The following ROBO2 variants were observed in gnomAD, a reference collection of about 807,000 sequenced individuals.
ROBO2 encodes the protein roundabout homolog 2.
Under a neutral mutation model 160.8 loss-of-function variants are expected in ROBO2, and 53 were observed. The observed-to-expected ratio is 0.33, with a 90% CI of 0.26 to 0.41. The LOEUF (loss-of-function observed/expected upper bound fraction) is 0.41, where lower values mean the gene tolerates loss of function less well. Among genes scored for constraint, ROBO2 ranks in the 10% least tolerant of loss-of-function variants. ROBO2 has a pLI of 1.00. For synonymous variants in ROBO2, 664 were observed against 611.7 expected, an observed-to-expected ratio of 1.09 and a Z score of -1.26; for missense variants, 1,577 against 1,722.4, an observed-to-expected ratio of 0.92 and a Z score of 1.49.
intron 2 of ROBO2, among the ~76,000 whole-genome samples, chr3:76,692,916 G>C (rs116835661): frequency 0.023 from 3,507 of 151,002 alleles, 134 homozygotes; most frequent in African/African-American, 0.075. Context: ...TATAGTGTGT[G>C]TGTATCTATA....
At chr3:76,073,222 C>T (rs1206393050) in intron 2 of ROBO2, among the ~76,000 whole-genome samples, 10 of 130,984 alleles carry the variant, frequency 7.6e-5, no homozygotes, top group Non-Finnish European at 1.5e-4. Context: ...TCTTTAAACA[C>T]TTAATTAAGC....
chr3:76,114,821 G>C (rs2108257236), intron 2 of ROBO2, among the ~76,000 whole-genome samples: 1 of 152,184 alleles, frequency 6.6e-6, no homozygotes, highest in South Asian at 2.1e-4. Flanking sequence ...TCATTTGTTG[G>C]TGCTACTGCA....
chr3:77,546,501 A>C (rs1371302359), intron 7 of ROBO2, 39 bp downstream of exon 8: 1 of 1,611,150 alleles, frequency 6.2e-7, no homozygotes, highest in Admixed American at 1.7e-5. Context: ...AAATCTCTGA[A>C]CTTCTACTGT....
intron 2 of ROBO2, among the ~76,000 whole-genome samples, chr3:77,292,220 G>A (rs916522577): frequency 6.6e-6 from 1 of 151,568 alleles, no homozygotes; most frequent in Non-Finnish European, 1.5e-5. Context: ...GGTAAGCTGA[G>A]GCTAGATCAC....
intron 6 of ROBO2, among the ~76,000 whole-genome samples, chr3:77,527,017 G>A (rs1006850794): frequency 6.6e-6 from 1 of 151,364 alleles, no homozygotes; most frequent in African/African-American, 2.4e-5. Flanking sequence ...AGACAGCGAG[G>A]CCTTCTTTTA....
intron 21 of ROBO2, among the ~76,000 whole-genome samples, chr3:77,610,182 T>G (rs2153697607): frequency 6.6e-6 from 1 of 152,244 alleles, no homozygotes; most frequent in East Asian, 1.9e-4. Context: ...TAGAGTATTC[T>G]ACTATTCATA....
At chr3:76,921,671 T>G (rs1053071367) in intron 2 of ROBO2, among the ~76,000 whole-genome samples, 1 of 152,142 alleles carries the variant, frequency 6.6e-6, no homozygotes, top group African/African-American at 2.4e-5. Flanking sequence ...GCATTGAGTG[T>G]TTTTTGTTTG....
At chr3:77,033,207 T>G (rs868145470) in intron 2 of ROBO2, among the ~76,000 whole-genome samples, 4 of 152,180 alleles carry the variant, frequency 2.6e-5, no homozygotes, top group Non-Finnish European at 2.9e-5. Context: ...ATCTCAGTAT[T>G]CTCTATTGTG....
chr3:76,071,003 CA>C (rs1182085438), intron 2 of ROBO2, among the ~76,000 whole-genome samples: 1 of 152,092 alleles, frequency 6.6e-6, no homozygotes, highest in Admixed American at 6.6e-5. Context: ...TTTCTTGAGT[CA>C]AAGGTAGCAT....
chr3:76,453,153 T>C (rs2077563870), intron 2 of ROBO2, among the ~76,000 whole-genome samples: 1 of 152,214 alleles, frequency 6.6e-6, no homozygotes, highest in Non-Finnish European at 1.5e-5. Context: ...GTAGTTTCTT[T>C]TGCTGTGCAG....
At chr3:76,205,252 G>T (rs765364791) in intron 2 of ROBO2, among the ~76,000 whole-genome samples, 1 of 152,144 alleles carries the variant, frequency 6.6e-6, no homozygotes, top group East Asian at 1.9e-4. Flanking sequence ...TTTTGTACCC[G>T]TGAGTTCAAC....
chr3:76,299,463 T>C (rs995677392), intron 2 of ROBO2, among the ~76,000 whole-genome samples: 22 of 151,746 alleles, frequency 1.4e-4, no homozygotes, highest in Non-Finnish European at 8.8e-5. Context: ...ACAGAGAAAA[T>C]AAAGGGGAGA....
intron 2 of ROBO2, among the ~76,000 whole-genome samples, chr3:77,353,344 G>A (rs1482152913): frequency 6.6e-6 from 1 of 152,196 alleles, no homozygotes; most frequent in Non-Finnish European, 1.5e-5. Context: ...CCTTGTTTTA[G>A]ATAAAGCATA....
chr3:76,870,821 G>T (rs1379502177), intron 2 of ROBO2, among the ~76,000 whole-genome samples: 1 of 151,436 alleles, frequency 6.6e-6, no homozygotes, highest in Non-Finnish European at 1.5e-5. Flanking sequence ...AAAACACTCT[G>T]CCAATTGCTT....
chr3:76,708,982 A>G (rs1179168982), intron 2 of ROBO2, among the ~76,000 whole-genome samples: 6 of 152,162 alleles, frequency 3.9e-5, no homozygotes, highest in Admixed American at 3.9e-4. Flanking sequence ...TCTCTTTTGG[A>G]CAATTGGGTA....
chr3:77,625,396 T>A (rs571669571), intron 23 of ROBO2, among the ~76,000 whole-genome samples: 16 of 152,138 alleles, frequency 1.1e-4, no homozygotes, highest in African/African-American at 3.9e-4. Flanking sequence ...CTTTTTTTTT[T>A]TTGTCGGAGT....
rs1036064865 is a variant in ROBO2 at position 76,124,026 on chromosome 3, A to C, written c.109+186424A>C. Among the ~76,000 whole-genome samples the C allele has an allele frequency of 2.6e-5, 4 of 152,098 alleles. No individual in the cohort carries two copies. The South Asian group carries it at 8.3e-4, about 31-fold the overall frequency. On this transcript the variant is annotated intron_variant, in intron 2 of 26. Coordinates refer to the ROBO2 transcript ENST00000487694. The stretch of plus-strand genomic sequence containing the variant: ...GTTTAGTGAAGGAAAGTAATCACTA[A>C]CTTCTTAACGAGGTTTATCTTAAAA...
At chr3:76,217,909 C>T (rs1396010436) in intron 2 of ROBO2, among the ~76,000 whole-genome samples, 1 of 152,094 alleles carries the variant, frequency 6.6e-6, no homozygotes, top group Non-Finnish European at 1.5e-5. Flanking sequence ...TGCAAAAATC[C>T]TCAATAAAAT....
At position 76,676,770 on chromosome 3, in the gene ROBO2, T is replaced by G. The variant is rs75605343; in HGVS notation, c.110-421244T>G. ...GAAGACTGCGAACATGTTGCATAAA[T>G]ACATTTTGGTTGTAGGGCTTTTTTT... On this transcript the variant is annotated intron_variant, in intron 2 of 26. Transcript: ENST00000487694. Among the ~76,000 whole-genome samples, 412 of 152,260 alleles carry G rather than the reference T, an allele frequency of 2.7e-3. 2 individuals carry two copies. Among genetic ancestry groups the G allele is most frequent in the African/African-American group, 9.4e-3 (392 of 41,544 alleles).
Sources: allele counts gnomAD v4.1 joint callset (sites outside exome capture counted in the v4.1 genomes callset), GRCh38; gene constraint gnomAD v4.1.1; transcripts MANE v1.5; gene names NCBI Gene and HGNC (gene_info 2026-07-23, HGNC 2026-07-21).